CTNNBL1: variants seen among roughly 807,000 people sequenced by gnomAD.
CTNNBL1 encodes the protein catenin beta like 1, also known as beta-catenin-like protein 1.
A neutral mutation model predicts 72.7 loss-of-function variants in CTNNBL1; 31 were observed. The ratio of observed to expected loss-of-function variants is 0.43; its 90% CI spans 0.32 to 0.58. The LOEUF is 0.58. Among genes scored for constraint, CTNNBL1 ranks in the 20% least tolerant of loss-of-function variants. The pLI is 0.08. For synonymous variants in CTNNBL1, 240 were observed against 267.3 expected, an observed-to-expected ratio of 0.90 and a Z score of 1.00; for missense variants, 534 against 725.1, an observed-to-expected ratio of 0.74 and a Z score of 3.03.
At chr20:37,790,257 C>G (rs1275523103) in intron 10 of CTNNBL1, among the ~76,000 whole-genome samples, 1 of 152,194 alleles carries the variant, frequency 6.6e-6, no homozygotes, top group Non-Finnish European at 1.5e-5. Flanking sequence ...CTTTTCCTTA[C>G]TCTACTTTGC....
At chr20:37,755,172 T>C (rs572045482) in intron 4 of CTNNBL1, among the ~76,000 whole-genome samples, 3 of 152,322 alleles carry the variant, frequency 2.0e-5, no homozygotes, top group Non-Finnish European at 2.9e-5. Context: ...AATCTTATAA[T>C]GCTGCTGAAA....
intron 15 of CTNNBL1, among the ~76,000 whole-genome samples, chr20:37,862,740 G>A (rs528142443): frequency 1.3e-3 from 124 of 98,788 alleles, no homozygotes; most frequent in Non-Finnish European, 1.8e-3. Context: ...GCAGACCCTC[G>A]CAGCCATCCT....
intron 1 of CTNNBL1, among the ~76,000 whole-genome samples, chr20:37,707,179 A>G (rs2072892748): frequency 6.6e-6 from 1 of 152,190 alleles, no homozygotes; most frequent in South Asian, 2.1e-4. Flanking sequence ...CTAAATGAGC[A>G]TTGGCTTCAA....
chr20:37,774,804 C>T (rs2073559839), intron 7 of CTNNBL1, among the ~76,000 whole-genome samples: 1 of 152,142 alleles, frequency 6.6e-6, no homozygotes, highest in African/African-American at 2.4e-5. Flanking sequence ...TTATGGTTGT[C>T]AGAAAAACTT....
chr20:37,839,810 G>T (rs1034993440), intron 11 of CTNNBL1, among the ~76,000 whole-genome samples: 1 of 152,200 alleles, frequency 6.6e-6, no homozygotes, highest in African/African-American at 2.4e-5. Flanking sequence ...AGATTCTGTT[G>T]TGGACAATAA....
chr20:37,813,720 A>T (rs995080753), intron 11 of CTNNBL1, among the ~76,000 whole-genome samples: 1 of 152,200 alleles, frequency 6.6e-6, no homozygotes, highest in Non-Finnish European at 1.5e-5. Context: ...GTTGTATAGA[A>T]ATAGTTTAGG....
At chr20:37,799,730 A>G (rs969459606) in intron 10 of CTNNBL1, among the ~76,000 whole-genome samples, 2 of 152,234 alleles carry the variant, frequency 1.3e-5, no homozygotes, top group Non-Finnish European at 1.5e-5. Flanking sequence ...CATATGCTCA[A>G]TAGTATATGC....
At chr20:37,786,110 GTC>G (rs138020129) in intron 10 of CTNNBL1, among the ~76,000 whole-genome samples, 8,883 of 151,662 alleles carry the variant, frequency 0.059, 362 homozygotes, top group Middle Eastern at 0.15. Context: ...AACACGTGGA[GTC>G]TCTCTCTCTC....
rs186367806 is a variant in CTNNBL1 at position 37,729,551 on chromosome 20, C to T, written c.31-3328C>T. Among the ~76,000 whole-genome samples, 281 of 152,182 alleles carry T rather than the reference C, an allele frequency of 1.8e-3. 1 individual carries two copies. The highest frequency in any genetic ancestry group is 0.014 in the Admixed American group (208 of 15,294). ...TCTCCTTTTAATTGTGGCCCACTGC[C>T]TTTTCTTTCTCCCCTCGGAGATAAA... On this transcript the variant is annotated intron_variant, in intron 1 of 15. Transcript: ENST00000361383.
chr20:37,833,032 C>T (rs1390478503), intron 11 of CTNNBL1, among the ~76,000 whole-genome samples: 3 of 152,166 alleles, frequency 2.0e-5, no homozygotes, highest in African/African-American at 7.2e-5. Flanking sequence ...GGGAGGGTAG[C>T]ATGCCTCCGT....
chr20:37,834,408 C>T (rs1403629090), intron 11 of CTNNBL1, among the ~76,000 whole-genome samples: 2 of 152,124 alleles, frequency 1.3e-5, no homozygotes, highest in African/African-American at 2.4e-5. Context: ...AAATTGCTTC[C>T]GCAAAGACTA....
At chr20:37,703,356 C>T (rs749181984) in intron 1 of CTNNBL1, among the ~76,000 whole-genome samples, 93 of 152,258 alleles carry the variant, frequency 6.1e-4, no homozygotes, top group Non-Finnish European at 1.1e-3. Context: ...CTTAGTCTTC[C>T]GTTATCTTTC....
At chr20:37,716,207 C>T (rs925533579) in intron 1 of CTNNBL1, among the ~76,000 whole-genome samples, 3 of 152,160 alleles carry the variant, frequency 2.0e-5, no homozygotes, top group African/African-American at 7.2e-5. Context: ...ATTTGGTCTA[C>T]TAAATGTGCT....
chr20:37,800,176 G>T (rs529537433), intron 10 of CTNNBL1, among the ~76,000 whole-genome samples: 1 of 152,324 alleles, frequency 6.6e-6, no homozygotes, highest in African/African-American at 2.4e-5. Context: ...GCTCTGGGTT[G>T]TTACCCTGTT....
intron 2 of CTNNBL1, among the ~76,000 whole-genome samples, chr20:37,733,321 CCTGGATCTTA>C (rs1455550819): frequency 2.0e-5 from 3 of 152,024 alleles, no homozygotes; most frequent in Admixed American, 1.3e-4. Context: ...GGGCAGGCTT[CCTGGATCTTA>C]CTGAGGACAC....
intron 10 of CTNNBL1, among the ~76,000 whole-genome samples, chr20:37,795,356 G>A (rs1231578248): frequency 6.6e-6 from 1 of 152,064 alleles, no homozygotes; most frequent in Non-Finnish European, 1.5e-5. Context: ...GTTTTGCCAT[G>A]TTGCCCAGTT....
intron 1 of CTNNBL1, among the ~76,000 whole-genome samples, chr20:37,705,469 A>C (rs894270088): frequency 3.9e-5 from 6 of 152,156 alleles, no homozygotes; most frequent in African/African-American, 1.4e-4. Context: ...GGCAAAAAAA[A>C]ATTTTTTTTT....
intron 13 of CTNNBL1, among the ~76,000 whole-genome samples, chr20:37,852,419 G>A (rs1297603032): frequency 6.6e-6 from 1 of 152,200 alleles, no homozygotes; most frequent in Non-Finnish European, 1.5e-5. Flanking sequence ...TGAATTTATT[G>A]ATGAAAGGAT....
intron 13 of CTNNBL1, among the ~76,000 whole-genome samples, chr20:37,854,293 C>G: frequency 6.6e-6 from 1 of 152,192 alleles, no homozygotes; most frequent in South Asian, 2.1e-4. Context: ...GAAAAAATCA[C>G]CAGGGGTACT....
Sources: gnomAD v4.1 joint callset for allele counts (sites outside exome capture counted in the v4.1 genomes callset) on GRCh38, gnomAD v4.1.1 for gene constraint, MANE v1.5 for transcripts, NCBI Gene and HGNC (gene_info 2026-07-23, HGNC 2026-07-21) for gene names.